VWA2: variants seen among roughly 807,000 people sequenced by gnomAD.
The protein encoded by VWA2 is von Willebrand factor A domain-containing protein 2.
Under a neutral mutation model 70.4 loss-of-function variants are expected in VWA2, and 73 were observed. The ratio of observed to expected loss-of-function variants is 1.04; its 90% confidence interval spans 0.86 to 1.26. The LOEUF is 1.26. Among genes scored for constraint, VWA2 ranks in the 50% most tolerant of loss-of-function variants. The probability of loss-of-function intolerance (pLI) is 0.00; values close to 1 mark genes in which losing one functional copy is unlikely to be tolerated. For synonymous variants in VWA2, 407 were observed against 423.3 expected, an observed-to-expected ratio of 0.96 and a Z score of 0.47; for missense variants, 1,011 against 998.5, an observed-to-expected ratio of 1.01 and a Z score of -0.17.
intron 2 of VWA2, among the ~76,000 whole-genome samples, chr10:114,249,883 C>T (rs930421228): frequency 6.6e-6 from 1 of 152,178 alleles, no homozygotes; most frequent in Non-Finnish European, 1.5e-5. Context: ...CATCTTACCC[C>T]GTGGCCATCC....
Position 114,261,282 on chromosome 10 carries a change from A to G in VWA2, c.358A>G (p.Arg120Gly), listed in dbSNP as rs769055190. 9 of 1,613,858 alleles carry G rather than the reference A, an allele frequency of 5.6e-6. No individual in the cohort carries two copies. The South Asian group carries it at 9.9e-5, about 18-fold the overall frequency. Residue 120 changes from arginine (R) to glycine (G), a missense_variant, in exon 5 of 14, where the codon AGG becomes GGG. Transcript: ENST00000392982. ...ACAGGAAGTGAAGGCAAGAATCAAGAGGATGGTTTTCAAGTATGTATGATC... is the reference window on the plus strand; with the variant it reads ...ACAGGAAGTGAAGGCAAGAATCAAGGGGATGGTTTTCAAGTATGTATGATC... ...TQQEVKARIK[R>G]MVFKGGRTET...
Position 114,248,650 on chromosome 10 carries a change from G to A in VWA2, c.-10-54G>A, listed in dbSNP as rs1019819213. The stretch of plus-strand genomic sequence containing the variant: ...CATCTTGTTTGGCGGTGTGACTTGG[G>A]GCGTTCACAGAACTAATTGCTGATA... On this transcript the variant is annotated intron_variant, in intron 1 of 13. Transcript: ENST00000392982. 6.0e-6 allele frequency: 9 copies of A among 1,488,462 alleles called. No homozygotes were observed. In the Admixed American group the frequency reaches 1.3e-4, roughly 22 times the overall value. 92.2% of individuals were successfully genotyped at this position (1,488,462 alleles called of 1,614,324 possible). A position where few individuals can be genotyped will look rare whatever the true frequency, so the allele number is the denominator to read the frequency against.
chr10:114,255,728 A>G (rs953127280), intron 4 of VWA2, among the ~76,000 whole-genome samples: 1 of 152,144 alleles, frequency 6.6e-6, no homozygotes, highest in Non-Finnish European at 1.5e-5. Flanking sequence ...GGTCTTAAAT[A>G]TAGCAGAGTG....
chr10:114,279,677 T>G (rs2037967542), intron 8 of VWA2, among the ~76,000 whole-genome samples: 1 of 152,162 alleles, frequency 6.6e-6, no homozygotes, highest in Admixed American at 6.5e-5. Context: ...GAACCCAACC[T>G]CTCAAGTGAA....
At chr10:114,240,587 A>C (rs1329020387) in intron 1 of VWA2, among the ~76,000 whole-genome samples, 1 of 152,256 alleles carries the variant, frequency 6.6e-6, no homozygotes, top group African/African-American at 2.4e-5. Context: ...ATTCAGTCCC[A>C]AAAATTCAAG....
chr10:114,261,245 A>AT lies in VWA2; in HGVS notation c.325dup (p.Ser109PhefsTer51). Reference sequence around the variant, plus strand: ...CTCATCTGGAATTCCCCTTGGATTCATTTTCAACCCAACAGGAAGTGAAGG... The same window carrying AT: ...CTCATCTGGAATTCCCCTTGGATTCATTTTTCAACCCAACAGGAAGTGAAGG... On this transcript the variant is annotated frameshift_variant, in exon 5 of 14. Transcript: ENST00000392982. LOFTEE classifies it high-confidence loss of function. The AT allele has an allele frequency of 1.2e-6, 2 of 1,614,090 alleles. No individual in the cohort carries two copies. The highest frequency in any genetic ancestry group is 1.7e-6 in the Non-Finnish European group (2 of 1,180,002).
chr10:114,260,704 C>T (rs2037426916), intron 4 of VWA2, among the ~76,000 whole-genome samples: 2 of 152,146 alleles, frequency 1.3e-5, no homozygotes, highest in African/African-American at 4.8e-5. Context: ...TCTTACTAGT[C>T]CTGGGCAAGT....
Position 114,291,359 on chromosome 10 carries a change from C to G in VWA2, c.*122C>G, listed in dbSNP as rs1308624756. Reference sequence around the variant, plus strand: ...TCTGTGCCCCAGGTCCTTAGAATGTCTGCTTCCCGCCGTGGCCAGGACCAC... The same window carrying G: ...TCTGTGCCCCAGGTCCTTAGAATGTGTGCTTCCCGCCGTGGCCAGGACCAC... On this transcript the variant is annotated 3_prime_UTR_variant, in exon 14 of 14. Coordinates refer to ENST00000392982, the MANE Select transcript of VWA2 (RefSeq NM_001272046.2). 11 of 1,213,470 alleles carry G rather than the reference C, an allele frequency of 9.1e-6. No individual in the cohort carries two copies. The highest frequency in any genetic ancestry group is 1.1e-5 in the Non-Finnish European group (10 of 893,426). The allele number at this position is 1,213,470 out of a possible 1,614,324, so 75.2% of individuals were successfully genotyped here. A position where few individuals can be genotyped will look rare whatever the true frequency, so the allele number is the denominator to read the frequency against.
chr10:114,289,138 C>G lies in VWA2; in HGVS notation c.1771C>G (p.Arg591Gly). 1 of 1,613,940 alleles carries G rather than the reference C, an allele frequency of 6.2e-7. No individual in the cohort carries two copies. The highest frequency in any genetic ancestry group is 8.5e-7 in the Non-Finnish European group (1 of 1,179,980). ...TAFGLDTKPT[R>G]AAMLRAISQA... ...CTTCGGGCTGGACACCAAACCCACC[C>G]GGGCTGCGATGCTGCGGGCCATTAG... Residue 591 changes from arginine (R) to glycine (G), a missense_variant, in exon 12 of 14, where the codon CGG (arginine) becomes GGG (glycine). Transcript: ENST00000392982.
At chr10:114,282,645 C>T in intron 9 of VWA2, 74 bp downstream of exon 9, 1 of 1,343,000 alleles carries the variant, frequency 7.4e-7, no homozygotes, top group Non-Finnish European at 1.1e-6. Flanking sequence ...GTGGCTTTTA[C>T]AATCCTGGGA....
intron 2 of VWA2, among the ~76,000 whole-genome samples, chr10:114,249,170 C>T (rs970568033): frequency 3.9e-5 from 6 of 152,148 alleles, no homozygotes; most frequent in Admixed American, 3.3e-4. Flanking sequence ...GATGCTCTCC[C>T]TCCCCACCCC....
chr10:114,253,609 T>C (rs1589743344), intron 2 of VWA2, 42 bp from the exon 3 acceptor site: 3 of 1,035,456 alleles, frequency 2.9e-6, no homozygotes, highest in Admixed American at 3.5e-5. Flanking sequence ...CCTCCTCCCC[T>C]CTCAGCATTT....
At chr10:114,268,681 A>ATTTCTT (rs1284580747) in intron 5 of VWA2, among the ~76,000 whole-genome samples, 10 of 143,866 alleles carry the variant, frequency 7.0e-5, no homozygotes, top group Non-Finnish European at 1.5e-4. Flanking sequence ...AAGCGGAGGG[A>ATTTCTT]TTTCTTTTTC....
chr10:114,266,919 T>C (rs570826547), intron 5 of VWA2, among the ~76,000 whole-genome samples: 6 of 152,346 alleles, frequency 3.9e-5, no homozygotes, highest in Admixed American at 1.3e-4. Context: ...TTAATATTAT[T>C]TGGTATGTGC....
intron 5 of VWA2, among the ~76,000 whole-genome samples, chr10:114,268,266 A>T (rs2037617971): frequency 8.8e-6 from 1 of 113,388 alleles, no homozygotes; most frequent in African/African-American, 3.5e-5. Context: ...AAGTTCATAC[A>T]TGGCAGTCAT....
chr10:114,281,965 G>T (rs531632225), intron 8 of VWA2, among the ~76,000 whole-genome samples: 1 of 151,306 alleles, frequency 6.6e-6, no homozygotes, highest in East Asian at 1.9e-4. Context: ...ACAGTTTGGG[G>T]TTTTGCATGT....
intron 6 of VWA2, among the ~76,000 whole-genome samples, chr10:114,276,890 T>C (rs572510860): frequency 1.3e-5 from 2 of 152,032 alleles, no homozygotes; most frequent in African/African-American, 4.8e-5. Flanking sequence ...CCTGGCAGCT[T>C]GTAAGAAAGT....
In VWA2 at chr10:114,289,303, G is replaced by A. The variant is rs544925685; in HGVS notation, c.1936G>A (p.Glu646Lys). The change falls in exon 12 of 14, where the codon GAG becomes AAG. Residue 646 changes from glutamate (E) to lysine (K), a missense_variant. Glu to Lys is a moderately conservative substitution (Grantham distance 56). Coordinates refer to ENST00000392982, the MANE Select transcript of VWA2 (RefSeq NM_001272046.2). Reference sequence around the variant, plus strand: ...GGTGCTCACAGGCGGGAGAGGCGCAGAGGATGCAGCCGTTCCTGCCCAGAA... The same window carrying A: ...GGTGCTCACAGGCGGGAGAGGCGCAAAGGATGCAGCCGTTCCTGCCCAGAA... ...VVVLTGGRGA[E>K]DAAVPAQKLR... 3.7e-5 allele frequency: 59 copies of A among 1,613,984 alleles called. No homozygotes were observed. The South Asian group carries it at 6.3e-4, about 17-fold the overall frequency.
chr10:114,274,742 G>A (rs886909380), intron 6 of VWA2, among the ~76,000 whole-genome samples: 6 of 151,806 alleles, frequency 4.0e-5, no homozygotes, highest in Non-Finnish European at 7.4e-5. Context: ...TGACCCACCC[G>A]TCTCAGCCTT....
Sources: gnomAD v4.1 joint callset for allele counts (sites outside exome capture counted in the v4.1 genomes callset) on GRCh38, gnomAD v4.1.1 for gene constraint, MANE v1.5 for transcripts, NCBI Gene and HGNC (gene_info 2026-07-23, HGNC 2026-07-21) for gene names.